ENTHD1: variants seen among roughly 807,000 people sequenced by gnomAD.
ENTHD1 encodes ENTH domain-containing protein 1.
In ENTHD1, 23 loss-of-function variants were observed where a neutral mutation model predicts 39.1. That is an observed-to-expected ratio of 0.59 (90% CI 0.42 to 0.83). The LOEUF (loss-of-function observed/expected upper bound fraction) is 0.83. ENTHD1 is among the 40% of genes least tolerant of loss of function. ENTHD1 has a pLI of 0.00. For synonymous variants in ENTHD1, 230 were observed against 258.2 expected (o/e 0.89, Z 1.05); for missense variants, 624 against 705.4 (o/e 0.88, Z 1.31).
At chr22:39,887,039 T>A (rs889647687) in intron 2 of ENTHD1, among the ~76,000 whole-genome samples, 1 of 152,104 alleles carries the variant, frequency 6.6e-6, no homozygotes, top group African/African-American at 2.4e-5. Context: ...GAAAAAAGTA[T>A]TGTTCTCTAA....
intron 5 of ENTHD1, among the ~76,000 whole-genome samples, chr22:39,802,196 C>G (rs971565298): frequency 1.3e-5 from 2 of 152,146 alleles, no homozygotes; most frequent in African/African-American, 4.8e-5. Context: ...GCCAGCACTC[C>G]TGTAACAAAA....
chr22:39,885,935 A>G (rs1332702340), intron 2 of ENTHD1, among the ~76,000 whole-genome samples: 1 of 152,224 alleles, frequency 6.6e-6, no homozygotes, highest in Non-Finnish European at 1.5e-5. Flanking sequence ...TTGCACACTT[A>G]CAAAGGCAAA....
chr22:39,857,471 A>AAAAT lies in ENTHD1; in HGVS notation c.592+4293_592+4294insATTT, dbSNP rs1555940780. 1.5e-3 allele frequency among the ~76,000 whole-genome samples: 176 copies of AAAAT among 118,586 alleles called. 26 individuals carry two copies. Among genetic ancestry groups the AAAAT allele is most frequent in the South Asian group, 2.4e-3 (8 of 3,318 alleles). The allele number at this position is 118,586 out of a possible 152,430, so 77.8% of individuals were successfully genotyped here. Reference sequence around the variant, plus strand: ...AAAAAAAAAAAAAAAAAAAAAAAAAAGCAATCTGTGACTACAAAACAATAA... The same window carrying AAAAT: ...AAAAAAAAAAAAAAAAAAAAAAAAAAAAATGCAATCTGTGACTACAAAACAATAA... On this transcript the variant is annotated intron_variant, in intron 3 of 6. Transcript: ENST00000325157.
At chr22:39,805,503 A>C (rs2065633435) in intron 5 of ENTHD1, among the ~76,000 whole-genome samples, 1 of 152,228 alleles carries the variant, frequency 6.6e-6, no homozygotes, top group Non-Finnish European at 1.5e-5. Context: ...TAAGCAGGGC[A>C]GTGCTGCTAA....
In ENTHD1 at chr22:39,875,298, C is replaced by T. The variant is rs1384308612; in HGVS notation, c.349+12102G>A. ...ATCTATACAGTTAAAGAAATTCGGTCGGTCGCAGCCCGCTCGGGCCCGTTC... is the reference window on the plus strand; with the variant it reads ...ATCTATACAGTTAAAGAAATTCGGTTGGTCGCAGCCCGCTCGGGCCCGTTC... On this transcript the variant is annotated intron_variant, in intron 2 of 6. Coordinates refer to ENST00000325157, the MANE Select transcript of ENTHD1 (RefSeq NM_152512.4). The T allele has an allele frequency of 2.4e-6, 3 of 1,251,928 alleles. No homozygotes were observed. The African/African-American group carries it at 4.7e-5, about 20-fold the overall frequency. 77.6% of individuals were successfully genotyped at this position (1,251,928 alleles called of 1,614,324 possible).
Position 39,818,594 on chromosome 22 carries a change from T to C in ENTHD1, c.832+2399A>G, listed in dbSNP as rs2065751805. 2.0e-5 allele frequency among the ~76,000 whole-genome samples: 3 copies of C among 152,208 alleles called. No individual in the cohort carries two copies. In the South Asian group the frequency reaches 6.2e-4, roughly 31 times the overall value. ...TATGAAAAGTACTTGTCTGGTACTA[T>C]TTTAAAAATTAGACTTATCCTATTG... is the stretch of plus-strand genomic sequence containing the variant. On this transcript the variant is annotated intron_variant, in intron 5 of 6. Transcript: ENST00000325157.
At chr22:39,788,027 A>C (rs535216619) in intron 5 of ENTHD1, among the ~76,000 whole-genome samples, 168 of 152,318 alleles carry the variant, frequency 1.1e-3, no homozygotes, top group Admixed American at 4.1e-3. Flanking sequence ...TGGTCACCCA[A>C]GAGCTCTGAT....
At chr22:39,805,203 G>T (rs1050481836) in intron 5 of ENTHD1, among the ~76,000 whole-genome samples, 5 of 152,200 alleles carry the variant, frequency 3.3e-5, no homozygotes, top group African/African-American at 1.2e-4. Flanking sequence ...GGGCGAAGAA[G>T]ATTTCTATTT....
At chr22:39,799,119 G>C (rs2065577040) in intron 5 of ENTHD1, among the ~76,000 whole-genome samples, 1 of 152,218 alleles carries the variant, frequency 6.6e-6, no homozygotes, top group South Asian at 2.1e-4. Flanking sequence ...GGCTGTAGTG[G>C]GGTGATCTCC....
intron 4 of ENTHD1, among the ~76,000 whole-genome samples, chr22:39,829,281 A>AT (rs2065848710): frequency 2.0e-5 from 3 of 151,808 alleles, no homozygotes; most frequent in Admixed American, 1.3e-4. Flanking sequence ...GAAATGCAAC[A>AT]TTTTTTCTCA....
intron 2 of ENTHD1, among the ~76,000 whole-genome samples, chr22:39,877,366 C>T (rs566996898): frequency 2.6e-5 from 4 of 152,234 alleles, no homozygotes; most frequent in Admixed American, 2.6e-4. Context: ...AAGTTGGAGT[C>T]GCCACTCCAT....
intron 2 of ENTHD1, among the ~76,000 whole-genome samples, chr22:39,880,261 G>T (rs948853097): frequency 1.2e-4 from 19 of 152,282 alleles, no homozygotes; most frequent in Non-Finnish European, 2.8e-4. Flanking sequence ...CCAACTAAAT[G>T]ACATTTTGGA....
chr22:39,743,559 G>T lies in ENTHD1; in HGVS notation c.*120C>A. 1 of 1,226,812 alleles carries T rather than the reference G, an allele frequency of 8.2e-7. No homozygotes were observed. Among genetic ancestry groups the T allele is most frequent in the Non-Finnish European group, 1.1e-6 (1 of 917,404 alleles). The allele number at this position is 1,226,812 out of a possible 1,614,324, so 76.0% of individuals were successfully genotyped here. ...TTGAAAGATACTTGCTAATAAACCTGACAAGGAAAAATTAAACCATCCCCT... is the reference window on the plus strand; with the variant it reads ...TTGAAAGATACTTGCTAATAAACCTTACAAGGAAAAATTAAACCATCCCCT... On this transcript the variant is annotated 3_prime_UTR_variant, in exon 7 of 7. Coordinates refer to ENST00000325157, the MANE Select transcript of ENTHD1 (RefSeq NM_152512.4).
chr22:39,874,129 C>A (rs941884295), intron 2 of ENTHD1: 1 of 152,182 alleles, frequency 6.6e-6, no homozygotes, highest in Non-Finnish European at 1.5e-5. Context: ...TATTCACTAT[C>A]ATGAGAACAG....
chr22:39,874,102 C>A (rs2066266944), intron 2 of ENTHD1, among the ~76,000 whole-genome samples: 1 of 152,080 alleles, frequency 6.6e-6, no homozygotes. Context: ...TATAAAACCA[C>A]CAGATCTTAT....
chr22:39,747,738 G>A (rs186537641), intron 6 of ENTHD1, among the ~76,000 whole-genome samples: 4 of 152,068 alleles, frequency 2.6e-5, no homozygotes, highest in Admixed American at 2.6e-4. Flanking sequence ...TAGTTTGCAG[G>A]AGCTAGAACT....
chr22:39,833,710 A>G (rs897720122), intron 4 of ENTHD1, among the ~76,000 whole-genome samples: 3 of 152,030 alleles, frequency 2.0e-5, no homozygotes, highest in Admixed American at 2.0e-4. Context: ...AGAATTACTA[A>G]TATCCAGATA....
At chr22:39,746,634 A>G (rs180782045) in intron 6 of ENTHD1, among the ~76,000 whole-genome samples, 73 of 152,308 alleles carry the variant, frequency 4.8e-4, no homozygotes, top group African/African-American at 1.7e-3. Flanking sequence ...GGGAACCACT[A>G]ATATCAGTAT....
chr22:39,765,110 G>C, intron 6 of ENTHD1, 113 bp downstream of exon 6: 1 of 1,420,742 alleles, frequency 7.0e-7, no homozygotes, highest in Admixed American at 2.8e-5. Context: ...AGAGTGAAAG[G>C]AGGGAACAAA....
Sources: gnomAD v4.1 joint callset for allele counts (sites outside exome capture counted in the v4.1 genomes callset) on GRCh38, gnomAD v4.1.1 for gene constraint, MANE v1.5 for transcripts, NCBI Gene and HGNC (gene_info 2026-07-23, HGNC 2026-07-21) for gene names.